The following RANBP17 variants were observed in gnomAD, a reference collection of about 807,000 sequenced individuals.
The protein encoded by RANBP17 is ran-binding protein 17.
In RANBP17, 158 loss-of-function variants were observed where a neutral mutation model predicts 141.2. That is an observed-to-expected ratio of 1.12 (90% CI 0.98 to 1.28). The LOEUF (loss-of-function observed/expected upper bound fraction) is 1.28. Among genes scored for constraint, RANBP17 ranks in the 50% most tolerant of loss-of-function variants. The pLI is 0.00. For synonymous variants in RANBP17, 430 were observed against 450.0 expected, an observed-to-expected ratio of 0.96 and a Z score of 0.56; for missense variants, 1,438 against 1,290.7, an observed-to-expected ratio of 1.11 and a Z score of -1.75.
At chr5:171,196,221 G>A (rs574983031) in intron 18 of RANBP17, among the ~76,000 whole-genome samples, 1 of 152,188 alleles carries the variant, frequency 6.6e-6, no homozygotes, top group African/African-American at 2.4e-5. Flanking sequence ...AGTGGTCAGG[G>A]AAGGCCTCTC....
intron 16 of RANBP17, among the ~76,000 whole-genome samples, chr5:171,174,429 A>G (rs2127893684): frequency 6.6e-6 from 1 of 152,298 alleles, no homozygotes; most frequent in African/African-American, 2.4e-5. Context: ...GAATCAAGGA[A>G]GCTCCTGGGA....
At chr5:171,124,639 T>A (rs533324170) in intron 14 of RANBP17, among the ~76,000 whole-genome samples, 8 of 151,956 alleles carry the variant, frequency 5.3e-5, no homozygotes, top group South Asian at 2.1e-4. Context: ...AGTTAACATA[T>A]AAGGGAATGT....
At chr5:170,967,462 C>G (rs866055752) in intron 13 of RANBP17, among the ~76,000 whole-genome samples, 10 of 151,888 alleles carry the variant, frequency 6.6e-5, no homozygotes, top group Admixed American at 3.3e-4. Flanking sequence ...GCACAAGGTA[C>G]TTGGCGGTCA....
intron 14 of RANBP17, among the ~76,000 whole-genome samples, chr5:171,142,462 A>G (rs1279619085): frequency 6.6e-6 from 1 of 152,240 alleles, no homozygotes; most frequent in Non-Finnish European, 1.5e-5. Flanking sequence ...AGTCTGAACC[A>G]AGTGTTCTGC....
At chr5:171,046,103 A>G (rs577261625) in intron 14 of RANBP17, among the ~76,000 whole-genome samples, 4 of 152,296 alleles carry the variant, frequency 2.6e-5, no homozygotes, top group Non-Finnish European at 5.9e-5. Context: ...TTTGAAGTAA[A>G]TATAAATTAT....
rs373390497 is a variant in RANBP17 at position 171,249,904 on chromosome 5, A to G, written c.2776+7084A>G. ...AAATGTAGACATTCACATACAGGAA[A>G]CTCAGTGATCCCTAGGAAGATACAA... On this transcript the variant is annotated intron_variant, in intron 24 of 27. Coordinates refer to ENST00000523189, the MANE Select transcript of RANBP17 (RefSeq NM_022897.5). Among the ~76,000 whole-genome samples, 194 of 152,318 alleles carry G rather than the reference A, an allele frequency of 1.3e-3. 9 individuals are homozygous for G. In the South Asian group the frequency reaches 0.039, roughly 30 times the overall value.
intron 14 of RANBP17, among the ~76,000 whole-genome samples, chr5:170,973,817 G>A (rs1777163281): frequency 6.6e-6 from 1 of 152,102 alleles, no homozygotes; most frequent in Non-Finnish European, 1.5e-5. Flanking sequence ...TTTCATAGTT[G>A]GTGCCGTCTC....
intron 21 of RANBP17, among the ~76,000 whole-genome samples, chr5:171,220,771 T>C (rs72827578): frequency 1.9e-3 from 283 of 152,320 alleles, no homozygotes; most frequent in Non-Finnish European, 3.5e-3. Flanking sequence ...TCTAGCACAA[T>C]TGTCCTAAGA....
intron 13 of RANBP17, among the ~76,000 whole-genome samples, chr5:170,955,592 A>C (rs1164816245): frequency 2.3e-5 from 2 of 87,582 alleles, no homozygotes; most frequent in South Asian, 7.5e-4. Context: ...GTATATATAT[A>C]TATATATATA....
intron 14 of RANBP17, among the ~76,000 whole-genome samples, chr5:171,035,252 G>A (rs900960857): frequency 3.9e-5 from 6 of 152,124 alleles, no homozygotes; most frequent in Non-Finnish European, 7.4e-5. Flanking sequence ...TTCTGAGAGA[G>A]AAGCATATTT....
At chr5:171,042,095 A>T (rs879911302) in intron 14 of RANBP17, among the ~76,000 whole-genome samples, 3 of 152,134 alleles carry the variant, frequency 2.0e-5, no homozygotes, top group African/African-American at 7.2e-5. Context: ...ATGGCTACAT[A>T]GTATTCTATG....
chr5:171,016,023 T>C (rs1253082738), intron 14 of RANBP17, among the ~76,000 whole-genome samples: 1 of 152,120 alleles, frequency 6.6e-6, no homozygotes, highest in Non-Finnish European at 1.5e-5. Context: ...TTCTCTCCTC[T>C]CCAGGACTTT....
At chr5:170,925,816 TTTA>T (rs1772873024) in intron 12 of RANBP17, among the ~76,000 whole-genome samples, 2 of 152,198 alleles carry the variant, frequency 1.3e-5, no homozygotes, top group Middle Eastern at 3.2e-3. Context: ...CTTTGACAAC[TTTA>T]TTATCATTTC....
intron 14 of RANBP17, among the ~76,000 whole-genome samples, chr5:171,128,180 T>C (rs1026552981): frequency 6.6e-6 from 1 of 151,960 alleles, no homozygotes; most frequent in African/African-American, 2.4e-5. Flanking sequence ...TATCAGTATA[T>C]CAAAGAGACA....
chr5:171,272,207 G>A (rs2128027836), intron 25 of RANBP17, among the ~76,000 whole-genome samples: 1 of 152,306 alleles, frequency 6.6e-6, no homozygotes, highest in Admixed American at 6.5e-5. Context: ...AGAGTTGGAG[G>A]AGGGTGAAGA....
At chr5:170,969,266 TTC>T (rs1776815521) in intron 14 of RANBP17, among the ~76,000 whole-genome samples, 1 of 151,792 alleles carries the variant, frequency 6.6e-6, no homozygotes, top group Non-Finnish European at 1.5e-5. Context: ...ATTTTATAAT[TTC>T]TTTCTCAAAT....
At chr5:171,251,968 GTTCTTC>G in intron 24 of RANBP17, 1 of 1,609,512 alleles carries the variant, frequency 6.2e-7, no homozygotes, top group Non-Finnish European at 8.5e-7. Context: ...CTGCAATTCA[GTTCTTC>G]AAGCACTTTA....
chr5:171,025,802 T>C lies in RANBP17; in HGVS notation c.1710+57425T>C, dbSNP rs912917927. 2.6e-5 allele frequency among the ~76,000 whole-genome samples: 4 copies of C among 152,192 alleles called. No homozygotes were observed. In the South Asian group the frequency reaches 6.2e-4, roughly 24 times the overall value. On this transcript the variant is annotated intron_variant, in intron 14 of 27. Coordinates refer to ENST00000523189, the MANE Select transcript of RANBP17 (RefSeq NM_022897.5). ...AAGATCTTGCTATGTTGTCCAGCCATGTCTTGAACTCCTAGCCTCAAGTGA... is the reference window on the plus strand; with the variant it reads ...AAGATCTTGCTATGTTGTCCAGCCACGTCTTGAACTCCTAGCCTCAAGTGA...
intron 3 of RANBP17, among the ~76,000 whole-genome samples, chr5:170,888,777 T>A (rs567436511): frequency 1.2e-4 from 18 of 152,242 alleles, no homozygotes; most frequent in African/African-American, 3.8e-4. Context: ...TTTTTCCCAA[T>A]CTTAGTGAGA....
Sources: gnomAD v4.1 joint callset for allele counts (sites outside exome capture counted in the v4.1 genomes callset) on GRCh38, gnomAD v4.1.1 for gene constraint, MANE v1.5 for transcripts, NCBI Gene and HGNC (gene_info 2026-07-23, HGNC 2026-07-21) for gene names.